ABL1: variants seen among roughly 807,000 people sequenced by gnomAD.
ABL1 encodes the protein tyrosine-protein kinase ABL1.
A neutral mutation model predicts 94.7 loss-of-function variants in ABL1; 11 were observed. The observed-to-expected ratio is 0.12, with a 90% CI of 0.07 to 0.19. ABL1 has a LOEUF of 0.19. Ranked by LOEUF, ABL1 falls within the 10% of genes least tolerant of loss-of-function variation. The pLI, the probability that ABL1 is intolerant of heterozygous loss-of-function variation, is 1.00. For missense variants in ABL1, 1,082 were observed against 1,489.4 expected (o/e 0.73, Z 4.50); for synonymous variants, 656 against 622.4 (o/e 1.05, Z -0.80).
chr9:130,758,183 CAG>C (rs1341130503), intron 1 of ABL1, among the ~76,000 whole-genome samples: 1 of 149,636 alleles, frequency 6.7e-6, no homozygotes, highest in African/African-American at 2.5e-5. Flanking sequence ...TTTTTTGAGA[CAG>C]AGTCTCGCTC....
intron 1 of ABL1, among the ~76,000 whole-genome samples, chr9:130,744,483 C>T (rs1831859633): frequency 6.6e-6 from 1 of 151,314 alleles, no homozygotes; most frequent in African/African-American, 2.4e-5. Flanking sequence ...ATGCTTTTTA[C>T]CCTGGGGGAG....
intron 1 of ABL1, among the ~76,000 whole-genome samples, chr9:130,783,202 T>G (rs889775564): frequency 1.3e-5 from 2 of 152,232 alleles, no homozygotes; most frequent in African/African-American, 4.8e-5. Context: ...AGCTGAAGAC[T>G]TCTGTGAAGT....
chr9:130,885,850 T>TA lies in ABL1; in HGVS notation c.*168dup, dbSNP rs1831572483. On this transcript the variant is annotated 3_prime_UTR_variant, in exon 11 of 11. Coordinates refer to ENST00000318560, the MANE Select transcript of ABL1 (RefSeq NM_005157.6). ...CCCTGTGGAGTCCAGCTCTACTACC[T>TA]ACGTTTGCACCGCCTGCCCTCCCGC... 1 of 900,458 alleles carries TA rather than the reference T, an allele frequency of 1.1e-6. No homozygotes were observed. The highest frequency in any genetic ancestry group is 1.6e-6 in the Non-Finnish European group (1 of 614,410). The allele number at this position is 900,458 out of a possible 1,614,324, so 55.8% of individuals were successfully genotyped here.
Position 130,885,508 on chromosome 9 carries a change from C to T in ABL1, c.3218C>T (p.Ser1073Phe). The T allele has an allele frequency of 6.2e-7, 1 of 1,614,166 alleles. No individual in the cohort carries two copies. The highest frequency in any genetic ancestry group is 8.5e-7 in the Non-Finnish European group (1 of 1,180,044). Residue 1073 changes from serine (S) to phenylalanine (F), a missense_variant, in exon 11 of 11, where the codon TCC becomes TTC. Ser to Phe is a radical substitution (Grantham distance 155). This residue lies in a region of ABL1 where 780 missense variants were observed against 835.8 expected (regional missense o/e 0.93). Coordinates refer to ENST00000318560, the MANE Select transcript of ABL1 (RefSeq NM_005157.6). ...ACGTTCTGCGTGAGCTATGTGGATT[C>T]CATCCAGCAAATGAGGAACAAGTTT... Reference protein sequence around the residue: ...LYTFCVSYVDSIQQMRNKFAF... With the variant: ...LYTFCVSYVDFIQQMRNKFAF...
At chr9:130,740,067 A>T (rs936074095) in intron 1 of ABL1, among the ~76,000 whole-genome samples, 2 of 152,222 alleles carry the variant, frequency 1.3e-5, no homozygotes, top group Non-Finnish European at 2.9e-5. Context: ...TTATGTTAAT[A>T]TTAAATGTTA....
Position 130,745,363 on chromosome 9 carries a change from C to T in ABL1, c.136+30908C>T, listed in dbSNP as rs537527268. Among the ~76,000 whole-genome samples, 7 of 151,798 alleles carry T rather than the reference C, an allele frequency of 4.6e-5. No individual in the cohort carries two copies. In the South Asian group the frequency reaches 6.2e-4, roughly 14 times the overall value. ...CCTCCCAAAGTGCTGGGATTACAGG[C>T]GTGAGTCACTGTGCCCAGCCCTGGG... On this transcript the variant is annotated intron_variant, in intron 1 of 10. Transcript: ENST00000372348.
chr9:130,765,572 T>C (rs1384841984), intron 1 of ABL1, among the ~76,000 whole-genome samples: 1 of 152,208 alleles, frequency 6.6e-6, no homozygotes, highest in African/African-American at 2.4e-5. Flanking sequence ...TGATACATAT[T>C]GCCAGTTGCC....
intron 1 of ABL1, among the ~76,000 whole-genome samples, chr9:130,805,920 G>A (rs899998260): frequency 1.6e-4 from 24 of 152,186 alleles, no homozygotes; most frequent in Admixed American, 1.5e-3. Flanking sequence ...AAGTTAATGT[G>A]TGTTTTAAAT....
Position 130,761,983 on chromosome 9 carries a change from A to C in ABL1, c.136+47528A>C, listed in dbSNP as rs990934388. Among the ~76,000 whole-genome samples, 4 of 152,154 alleles carry C rather than the reference A, an allele frequency of 2.6e-5. No individual in the cohort carries two copies. The East Asian group carries it at 7.7e-4, about 29-fold the overall frequency. ...CGTGGGGAAACCCCCGTCTCTACTA[A>C]AAATACAAAATTAGCTGGGCTTGCT... is the stretch of plus-strand genomic sequence containing the variant. On this transcript the variant is annotated intron_variant, in intron 1 of 10. Coordinates refer to the ABL1 transcript ENST00000372348.
At chr9:130,758,749 T>C (rs1285168019) in intron 1 of ABL1, among the ~76,000 whole-genome samples, 3 of 152,220 alleles carry the variant, frequency 2.0e-5, no homozygotes, top group Admixed American at 6.5e-5. Context: ...TATTCAACTT[T>C]GGAAGCGTTG....
intron 1 of ABL1, among the ~76,000 whole-genome samples, chr9:130,798,722 A>G (rs1830013488): frequency 1.3e-5 from 2 of 152,062 alleles, no homozygotes; most frequent in Admixed American, 1.3e-4. Flanking sequence ...TAATCCTGGG[A>G]CTTTGGGAGG....
At chr9:130,720,980 G>A (rs1356781109) in intron 1 of ABL1, among the ~76,000 whole-genome samples, 1 of 151,468 alleles carries the variant, frequency 6.6e-6, no homozygotes, top group East Asian at 1.9e-4. Flanking sequence ...CTCCAGCCTG[G>A]GCAACAGAGC....
At chr9:130,836,453 T>G (rs1830585232) in intron 1 of ABL1, among the ~76,000 whole-genome samples, 1 of 152,230 alleles carries the variant, frequency 6.6e-6, no homozygotes, top group African/African-American at 2.4e-5. Context: ...GACCATTGCC[T>G]TCAGCAGAAA....
rs769680447 is a variant in ABL1 at position 130,875,006 on chromosome 9, C to T, written c.1224C>T (p.Pro408=). ...GAKFPIKWTA[P]ESLAYNKFSI... is the part of the protein sequence containing the mutation. ...AGTTCCCCATCAAATGGACTGCACC[C>T]GAGAGCCTGGCCTACAACAAGTTCT... Residue 408 remains proline, a synonymous_variant, in exon 7 of 11, where the codon CCC becomes CCT. Transcript: ENST00000318560. 7.3e-5 allele frequency: 118 copies of T among 1,614,074 alleles called. No homozygotes were observed. The highest frequency in any genetic ancestry group is 9.5e-5 in the Non-Finnish European group (112 of 1,180,046).
chr9:130,778,734 C>G (rs1829711265), intron 1 of ABL1, among the ~76,000 whole-genome samples: 1 of 151,328 alleles, frequency 6.6e-6, no homozygotes, highest in Non-Finnish European at 1.5e-5. Context: ...GTGGTTTATA[C>G]CTTTTTTACT....
At chr9:130,819,532 CTTTTTTT>C (rs34341889) in intron 1 of ABL1, among the ~76,000 whole-genome samples, 3 of 96,284 alleles carry the variant, frequency 3.1e-5, no homozygotes, top group South Asian at 3.2e-4. Flanking sequence ...AGAAAAATAC[CTTTTTTT>C]TTTTTTTTTT....
chr9:130,800,048 T>C (rs898662224), intron 1 of ABL1, among the ~76,000 whole-genome samples: 8 of 151,932 alleles, frequency 5.3e-5, no homozygotes, highest in Admixed American at 1.3e-4. Context: ...AATTTTTGTA[T>C]TTTTTAGGAG....
intron 1 of ABL1, among the ~76,000 whole-genome samples, chr9:130,807,439 C>T (rs1050237399): frequency 1.8e-4 from 27 of 151,664 alleles, no homozygotes; most frequent in African/African-American, 4.8e-4. Flanking sequence ...GGGATTTCAC[C>T]GTGTTGGCCA....
chr9:130,834,097 G>A (rs1262007628), upstream of ABL1: 4 of 455,918 alleles, frequency 8.8e-6, no homozygotes, highest in South Asian at 4.6e-5. Context: ...TGACTTCTCT[G>A]AGCATCTGTG....
Sources: gnomAD v4.1 joint callset for allele counts (sites outside exome capture counted in the v4.1 genomes callset) on GRCh38, gnomAD v4.1.1 for gene constraint, gnomAD v4.1.1 regional missense constraint, MANE v1.5 for transcripts, NCBI Gene and HGNC (gene_info 2026-07-23, HGNC 2026-07-21) for gene names.